DMRT1: variants seen among roughly 807,000 people sequenced by gnomAD.
DMRT1 encodes the protein doublesex and mab-3 related transcription factor 1.
In DMRT1, 7 loss-of-function variants were observed where a neutral mutation model predicts 32.3. The observed-to-expected ratio is 0.22, with a 90% CI of 0.12 to 0.41. The LOEUF is 0.41. DMRT1 is among the 10% of genes least tolerant of loss of function. The pLI is 1.00. For synonymous variants in DMRT1, 278 were observed against 206.1 expected, an observed-to-expected ratio of 1.35 and a Z score of -2.99; for missense variants, 625 against 500.5, an observed-to-expected ratio of 1.25 and a Z score of -2.37.
intron 3 of DMRT1, among the ~76,000 whole-genome samples, chr9:900,912 T>C (rs1817548031): frequency 6.6e-6 from 1 of 152,050 alleles, no homozygotes; most frequent in South Asian, 2.1e-4. Flanking sequence ...AGGCTGGTCT[T>C]AAACTTTTGG....
intron 3 of DMRT1, among the ~76,000 whole-genome samples, chr9:896,352 C>A (rs1333097757): frequency 7.0e-6 from 1 of 142,796 alleles, no homozygotes; most frequent in African/African-American, 2.6e-5. Context: ...GATCTTGGCT[C>A]ACTGCAACCT....
intron 3 of DMRT1, among the ~76,000 whole-genome samples, chr9:901,771 C>T (rs779718064): frequency 2.8e-4 from 43 of 151,896 alleles, no homozygotes; most frequent in Admixed American, 4.6e-4. Context: ...GCGGGAGTGA[C>T]TTGCCTTACG....
intron 4 of DMRT1, among the ~76,000 whole-genome samples, chr9:956,448 C>G (rs1675130901): frequency 6.6e-6 from 1 of 151,830 alleles, no homozygotes; most frequent in African/African-American, 2.4e-5. Flanking sequence ...CCGGTAATCC[C>G]AGCACTTTGG....
intron 2 of DMRT1, among the ~76,000 whole-genome samples, chr9:878,314 T>A (rs796437394): frequency 5.4e-5 from 8 of 148,874 alleles, no homozygotes; most frequent in African/African-American, 2.0e-4. Context: ...GGAGACAGAC[T>A]TTGGAAAAGG....
At chr9:940,574 C>G (rs922472877) in intron 4 of DMRT1, among the ~76,000 whole-genome samples, 1 of 152,020 alleles carries the variant, frequency 6.6e-6, no homozygotes, top group Middle Eastern at 3.2e-3. Context: ...GACCTAAATG[C>G]AGGACCTAAA....
chr9:898,356 G>A (rs1455172101), intron 3 of DMRT1, among the ~76,000 whole-genome samples: 2 of 152,186 alleles, frequency 1.3e-5, no homozygotes, highest in Non-Finnish European at 2.9e-5. Context: ...CTGGCCTCAA[G>A]TGATCCGCCC....
intron 2 of DMRT1, among the ~76,000 whole-genome samples, chr9:851,028 C>CAAAAAAAAA (rs869227462): frequency 8.4e-5 from 8 of 94,712 alleles, no homozygotes; most frequent in East Asian, 7.7e-4. Flanking sequence ...GACTCTATCT[C>CAAAAAAAAA]AAAAAAAAAA....
At chr9:943,978 T>G (rs549492618) in intron 4 of DMRT1, among the ~76,000 whole-genome samples, 51 of 152,314 alleles carry the variant, frequency 3.3e-4, no homozygotes, top group Non-Finnish European at 4.4e-4. Context: ...TGCATAATGG[T>G]TGAGAGTACT....
At chr9:942,481 G>A (rs1054023133) in intron 4 of DMRT1, among the ~76,000 whole-genome samples, 4 of 152,110 alleles carry the variant, frequency 2.6e-5, no homozygotes, top group African/African-American at 9.7e-5. Context: ...CCATGTTGCC[G>A]AAGCTGGTCT....
At chr9:938,488 C>T (rs1818958654) in intron 4 of DMRT1, among the ~76,000 whole-genome samples, 1 of 152,058 alleles carries the variant, frequency 6.6e-6, no homozygotes, top group Admixed American at 6.6e-5. Flanking sequence ...TGCCTGTCAC[C>T]TCCCTGGTTA....
intron 2 of DMRT1, among the ~76,000 whole-genome samples, chr9:864,747 A>G (rs113083269): frequency 0.016 from 2,340 of 144,198 alleles, 23 homozygotes; most frequent in African/African-American, 0.025. Flanking sequence ...CGATCCGCCC[A>G]CCTCGGCCTC....
chr9:894,908 G>A (rs1327446604), intron 3 of DMRT1: 1 of 152,280 alleles, frequency 6.6e-6, no homozygotes, highest in African/African-American at 2.4e-5. Context: ...CTGCCTCCTG[G>A]GTTCAAGTGC....
At chr9:912,112 CTCT>C (rs1431154612) in intron 3 of DMRT1, among the ~76,000 whole-genome samples, 1 of 152,220 alleles carries the variant, frequency 6.6e-6, no homozygotes, top group Non-Finnish European at 1.5e-5. Context: ...CAGGCACCTT[CTCT>C]TCTTCACAAG....
intron 4 of DMRT1, among the ~76,000 whole-genome samples, chr9:924,895 C>A (rs995419162): frequency 1.3e-5 from 2 of 152,318 alleles, no homozygotes; most frequent in Admixed American, 6.5e-5. Flanking sequence ...TTCCTTCAAA[C>A]TTCTTTCTCT....
rs749884595 is a variant in DMRT1, at chr9:841,815, G to A, written c.-24G>A. The A allele has an allele frequency of 4.4e-6, 7 of 1,596,952 alleles. No individual in the cohort carries two copies. In the South Asian group the frequency reaches 5.6e-5, roughly 13 times the overall value. ...TCCAGGCGAGAGAGGGGGCCAGAGTGCTCGCACTTCTCCTAGGGGCACCAT... is the reference window on the plus strand; with the variant it reads ...TCCAGGCGAGAGAGGGGGCCAGAGTACTCGCACTTCTCCTAGGGGCACCAT... On this transcript the variant is annotated 5_prime_UTR_variant, in exon 1 of 5. Coordinates refer to ENST00000382276, the MANE Select transcript of DMRT1 (RefSeq NM_021951.3).
chr9:905,615 G>A (rs554859774), intron 3 of DMRT1, among the ~76,000 whole-genome samples: 16 of 152,136 alleles, frequency 1.1e-4, no homozygotes, highest in Middle Eastern at 3.4e-3. Flanking sequence ...TGCAAACCCC[G>A]AAGAGGAGTC....
At chr9:943,289 A>G (rs1342185436) in intron 4 of DMRT1, among the ~76,000 whole-genome samples, 1 of 152,208 alleles carries the variant, frequency 6.6e-6, no homozygotes, top group Non-Finnish European at 1.5e-5. Context: ...TCTCTCAATG[A>G]GGTGTTGAAC....
chr9:959,728 A>G (rs1445206007), intron 4 of DMRT1, among the ~76,000 whole-genome samples: 1 of 64,076 alleles, frequency 1.6e-5, no homozygotes, highest in Non-Finnish European at 3.8e-5. Context: ...GGGTTTTGCC[A>G]TGTTGGCCAG....
intron 4 of DMRT1, among the ~76,000 whole-genome samples, chr9:948,785 G>A (rs1282318865): frequency 6.6e-6 from 1 of 151,996 alleles, no homozygotes; most frequent in Non-Finnish European, 1.5e-5. Context: ...GGCTGGCGCG[G>A]TAGCTTATGC....
Sources: gnomAD v4.1 joint callset for allele counts (sites outside exome capture counted in the v4.1 genomes callset) on GRCh38, gnomAD v4.1.1 for gene constraint, MANE v1.5 for transcripts, NCBI Gene and HGNC (gene_info 2026-07-23, HGNC 2026-07-21) for gene names.